ZFP64: variants seen among roughly 807,000 people sequenced by gnomAD.
The protein encoded by ZFP64 is zinc finger protein 64.
ZFP64 carries 14 observed loss-of-function variants against 51.6 expected under a neutral mutation model. The ratio of observed to expected loss-of-function variants is 0.27; its 90% CI spans 0.18 to 0.42. ZFP64 has a LOEUF of 0.42. Ranked by LOEUF, ZFP64 falls within the 10% of genes least tolerant of loss-of-function variation. The pLI, the probability that ZFP64 is intolerant of heterozygous loss-of-function variation, is 1.00. For missense variants in ZFP64, 754 were observed against 906.8 expected, an observed-to-expected ratio of 0.83 and a Z score of 2.16; for synonymous variants, 375 against 361.4, an observed-to-expected ratio of 1.04 and a Z score of -0.43.
chr20:52,111,002 C>G (rs1014358445), intron 5 of ZFP64: 2 of 1,500,100 alleles, frequency 1.3e-6, no homozygotes, highest in African/African-American at 2.7e-5. Flanking sequence ...TAGAAAGTGA[C>G]CGTATCCAGG....
At chr20:52,188,978 A>AT (rs1292811286) in intron 1 of ZFP64, among the ~76,000 whole-genome samples, 2 of 152,114 alleles carry the variant, frequency 1.3e-5, no homozygotes, top group Non-Finnish European at 2.9e-5. Context: ...TCCGTCTCAC[A>AT]TAAAAAAAAA....
chr20:52,110,050 C>T (rs1420158440), intron 5 of ZFP64, among the ~76,000 whole-genome samples: 2 of 152,098 alleles, frequency 1.3e-5, no homozygotes, highest in Non-Finnish European at 2.9e-5. Context: ...ATCCAAATTA[C>T]ACCTGTCAAA....
At chr20:52,106,319 T>C (rs1268422606) in intron 5 of ZFP64, among the ~76,000 whole-genome samples, 1 of 152,142 alleles carries the variant, frequency 6.6e-6, no homozygotes, top group Non-Finnish European at 1.5e-5. Context: ...CCCCCAGGTG[T>C]TTACTTTCTT....
At chr20:52,132,210 A>G (rs1979755122) in intron 5 of ZFP64, among the ~76,000 whole-genome samples, 1 of 152,172 alleles carries the variant, frequency 6.6e-6, no homozygotes, top group South Asian at 2.1e-4. Flanking sequence ...TCTGTGGAAT[A>G]CAGCAAAAGC....
At chr20:52,118,823 T>C (rs924312716) in intron 5 of ZFP64, among the ~76,000 whole-genome samples, 9 of 152,192 alleles carry the variant, frequency 5.9e-5, no homozygotes, top group Non-Finnish European at 1.0e-4. Context: ...GCCCTGGCTA[T>C]GTAGGATGAG....
At chr20:52,100,830 G>A (rs1427931461) in intron 5 of ZFP64, among the ~76,000 whole-genome samples, 1 of 152,188 alleles carries the variant, frequency 6.6e-6, no homozygotes, top group Admixed American at 6.5e-5. Flanking sequence ...CAGAGTTGCA[G>A]AGTTAAACAA....
At chr20:52,112,688 C>A (rs574692130) in intron 5 of ZFP64, among the ~76,000 whole-genome samples, 1 of 151,406 alleles carries the variant, frequency 6.6e-6, no homozygotes, top group South Asian at 2.1e-4. Context: ...GATGTTGGCT[C>A]ACCGCAGTCT....
At chr20:52,164,826 A>G in intron 3 of ZFP64, 69 bp from the exon 4 acceptor site, 1 of 1,303,638 alleles carries the variant, frequency 7.7e-7, no homozygotes, top group Non-Finnish European at 1.1e-6. Context: ...GAAAACTGGT[A>G]GAAACATCCT....
intron 4 of ZFP64, among the ~76,000 whole-genome samples, chr20:52,161,869 C>CT (rs767590411): frequency 6.6e-6 from 1 of 152,002 alleles, no homozygotes; most frequent in Non-Finnish European, 1.5e-5. Flanking sequence ...TCAGGATTTT[C>CT]TTTTTTTTAC....
In ZFP64 at chr20:52,166,100, T is replaced by C; in HGVS notation, c.287-75A>G. On this transcript the variant is annotated intron_variant, in intron 2 of 5. Transcript: ENST00000216923. ...TATGGTGTCTGCCTACTTTCCTTTG[T>C]AGAGAGAATGCATGTACTAGTTTGC... The C allele has an allele frequency of 4.9e-6, 7 of 1,442,966 alleles. No homozygotes were observed. In the South Asian group the frequency reaches 7.1e-5, roughly 15 times the overall value. 89.4% of individuals were successfully genotyped at this position (1,442,966 alleles called of 1,614,324 possible). A position where few individuals can be genotyped will look rare whatever the true frequency, so the allele number is the denominator to read the frequency against.
chr20:52,084,597 C>G, exon 9 of ZFP64: 6 of 1,614,030 alleles, frequency 3.7e-6, no homozygotes, highest in Non-Finnish European at 4.2e-6. Context: ...CTCGAGCTGC[C>G]CCACGGAGAC....
rs1372622648 is a variant in ZFP64 at position 52,151,659 on chromosome 20, CT to C, written c.*486del. On this transcript the variant is annotated 3_prime_UTR_variant, in exon 6 of 6. Coordinates refer to ENST00000216923, the MANE Select transcript of ZFP64 (RefSeq NM_018197.3). Reference sequence around the variant, plus strand: ...TATAATGCGACGATTCAGAGGTGGTCTCAAAGTTGTTACAGTGTTAAAAAAA... The same window carrying C: ...TATAATGCGACGATTCAGAGGTGGTCCAAAGTTGTTACAGTGTTAAAAAAA... 3 of 990,784 alleles carry C rather than the reference CT, an allele frequency of 3.0e-6. No homozygotes were observed. In the East Asian group the frequency reaches 3.3e-4, roughly 109 times the overall value. The allele number at this position is 990,784 out of a possible 1,614,324, so 61.4% of individuals were successfully genotyped here.
intron 8 of ZFP64, among the ~76,000 whole-genome samples, chr20:52,086,486 T>G (rs1240242814): frequency 6.6e-6 from 1 of 151,872 alleles, no homozygotes; most frequent in African/African-American, 2.4e-5. Context: ...GAATTTTTTT[T>G]TTTTTTTTTG....
chr20:52,099,319 CTTTTTTTT>C (rs3035409), intron 5 of ZFP64, among the ~76,000 whole-genome samples: 1 of 149,916 alleles, frequency 6.7e-6, no homozygotes, highest in Non-Finnish European at 1.5e-5. Flanking sequence ...CAATGTCAAA[CTTTTTTTT>C]TTTTTTTTAA....
downstream of ZFP64, among the ~76,000 whole-genome samples, chr20:52,146,540 G>A (rs1203528518): frequency 6.9e-6 from 1 of 145,058 alleles, no homozygotes; most frequent in Admixed American, 7.1e-5. Context: ...GAGAACACAT[G>A]GACACAGGAA....
chr20:52,142,839 C>CCAAAA (rs537823927), intron 5 of ZFP64, among the ~76,000 whole-genome samples: 6 of 55,046 alleles, frequency 1.1e-4, no homozygotes, highest in Admixed American at 2.7e-4. Context: ...GACTCCATCT[C>CCAAAA]AAAAAAAAAA....
chr20:52,170,483 G>C (rs1292858687), intron 2 of ZFP64, among the ~76,000 whole-genome samples: 1 of 152,072 alleles, frequency 6.6e-6, no homozygotes, highest in East Asian at 1.9e-4. Context: ...AACAGCAAAG[G>C]GATTCAGGCA....
At chr20:52,096,073 G>A (rs2078985265) in intron 7 of ZFP64, among the ~76,000 whole-genome samples, 1 of 152,176 alleles carries the variant, frequency 6.6e-6, no homozygotes, top group Non-Finnish European at 1.5e-5. Context: ...AGGCAAAAGT[G>A]GCCCTCTATT....
intron 8 of ZFP64, among the ~76,000 whole-genome samples, chr20:52,086,059 T>C (rs530068544): frequency 7.2e-5 from 11 of 152,244 alleles, no homozygotes; most frequent in Non-Finnish European, 1.3e-4. Context: ...TTCTGAGATT[T>C]TTTGAGGATT....
Sources: allele counts gnomAD v4.1 joint callset (sites outside exome capture counted in the v4.1 genomes callset), GRCh38; gene constraint gnomAD v4.1.1; transcripts MANE v1.5; gene names NCBI Gene and HGNC (gene_info 2026-07-23, HGNC 2026-07-21).